The following SLCO4C1 variants were observed in gnomAD, a reference collection of about 807,000 sequenced individuals.
The protein encoded by SLCO4C1 is solute carrier organic anion transporter family member 4C1, also known as organic anion transporter M1.
SLCO4C1 carries 58 observed loss-of-function variants against 72.1 expected under a neutral mutation model. The observed-to-expected ratio is 0.80, with a 90% confidence interval of 0.65 to 1.00. The LOEUF (loss-of-function observed/expected upper bound fraction) is 1.00, where lower values mean the gene tolerates loss of function less well. SLCO4C1 is among the 50% of genes least tolerant of loss of function. The pLI is 0.00. For synonymous variants in SLCO4C1, 297 were observed against 312.5 expected (o/e 0.95, Z 0.52); for missense variants, 898 against 857.9 (o/e 1.05, Z -0.58).
At chr5:102,281,530 T>C (rs934695633) in intron 2 of SLCO4C1, among the ~76,000 whole-genome samples, 1 of 152,104 alleles carries the variant, frequency 6.6e-6, no homozygotes, top group East Asian at 1.9e-4. Context: ...TGAAAATATT[T>C]GCAAACTAGC....
chr5:102,250,055 C>T (rs1479952692), intron 8 of SLCO4C1, among the ~76,000 whole-genome samples: 1 of 152,186 alleles, frequency 6.6e-6, no homozygotes, highest in Non-Finnish European at 1.5e-5. Flanking sequence ...TCCCATCTGG[C>T]ACCAGGTAAT....
chr5:102,279,936 A>G, intron 2 of SLCO4C1, among the ~76,000 whole-genome samples: 1 of 151,932 alleles, frequency 6.6e-6, no homozygotes, highest in East Asian at 1.9e-4. Context: ...ATAGAGTAGA[A>G]CTTTCCCAAC....
At position 102,234,814 on chromosome 5, in the gene SLCO4C1, T is replaced by A. The variant is rs1580231686; in HGVS notation, c.*2044A>T. 4 of 148,110 alleles carry A rather than the reference T, an allele frequency of 2.7e-5. No homozygotes were observed. The South Asian group carries it at 8.7e-4, about 32-fold the overall frequency. 9.2% of individuals were successfully genotyped at this position (148,110 alleles called of 1,614,324 possible). On this transcript the variant is annotated 3_prime_UTR_variant, in exon 13 of 13. Coordinates refer to ENST00000310954, the MANE Select transcript of SLCO4C1 (RefSeq NM_180991.5). ...AAAGCCTAAACTTTCCTTTTCCTTT[T>A]TTCTGGGCTCCAATAGGAAGCAGCA...
intron 2 of SLCO4C1, among the ~76,000 whole-genome samples, chr5:102,288,520 C>T (rs900948814): frequency 2.0e-5 from 3 of 152,196 alleles, no homozygotes; most frequent in Non-Finnish European, 2.9e-5. Flanking sequence ...GAGTGATTGG[C>T]TCCCATTTAC....
intron 2 of SLCO4C1, among the ~76,000 whole-genome samples, chr5:102,287,950 T>A (rs1002000878): frequency 6.6e-6 from 1 of 152,138 alleles, no homozygotes; most frequent in African/African-American, 2.4e-5. Context: ...GTCTGTCATA[T>A]TATAAACACC....
In SLCO4C1 at chr5:102,236,636, G is replaced by A; in HGVS notation, c.*222C>T. On this transcript the variant is annotated 3_prime_UTR_variant, in exon 13 of 13. Transcript: ENST00000310954. ...TGTGTGTGTGTGTGTGCTCGTGTGT[G>A]TGTGTGCTGTGTTTTGAGGCTTTAC... 1 of 442,326 alleles carries A rather than the reference G, an allele frequency of 2.3e-6. No homozygotes were observed. The highest frequency in any genetic ancestry group is 4.1e-6 in the Non-Finnish European group (1 of 246,274). 27.4% of individuals were successfully genotyped at this position (442,326 alleles called of 1,614,324 possible). A position where few individuals can be genotyped will look rare whatever the true frequency, so the allele number is the denominator to read the frequency against.
intron 12 of SLCO4C1, among the ~76,000 whole-genome samples, chr5:102,238,912 C>A (rs895858211): frequency 1.1e-4 from 16 of 152,280 alleles, no homozygotes; most frequent in Non-Finnish European, 2.2e-4. Context: ...AGATGACAAT[C>A]ATTCCAGGGA....
intron 8 of SLCO4C1, among the ~76,000 whole-genome samples, chr5:102,256,686 A>G (rs989671768): frequency 3.3e-5 from 5 of 152,246 alleles, no homozygotes; most frequent in African/African-American, 1.2e-4. Flanking sequence ...ATTAGCAAGG[A>G]CTAGCTTTAT....
chr5:102,257,825 G>T (rs990419561), intron 7 of SLCO4C1, 118 bp downstream of exon 7: 3 of 913,936 alleles, frequency 3.3e-6, no homozygotes, highest in South Asian at 1.6e-5. Context: ...TCACCATGTT[G>T]GCCGGGCTGG....
At position 102,270,682 on chromosome 5, in the gene SLCO4C1, A is replaced by G; in HGVS notation, c.744T>C (p.Thr248=). ...AATCATCAAGAAAGGCTGTTCCCAG[A>G]GTATAAAGAGGAGTTCCTCCTGCCC... ...LLGAGGTPLY[T]LGTAFLDDSV... Residue 248 remains threonine, a synonymous_variant, in exon 3 of 13, where the codon ACT becomes ACC. Coordinates refer to ENST00000310954, the MANE Select transcript of SLCO4C1 (RefSeq NM_180991.5). The G allele has an allele frequency of 1.2e-6, 2 of 1,613,230 alleles. No individual in the cohort carries two copies. Among genetic ancestry groups the G allele is most frequent in the Non-Finnish European group, 1.7e-6 (2 of 1,179,522 alleles).
chr5:102,268,114 T>C (rs1342263224), intron 3 of SLCO4C1, among the ~76,000 whole-genome samples: 2 of 152,138 alleles, frequency 1.3e-5, no homozygotes, highest in African/African-American at 4.8e-5. Flanking sequence ...ATTTGGTCTA[T>C]ACTGAAGTTT....
intron 2 of SLCO4C1, among the ~76,000 whole-genome samples, chr5:102,271,344 T>C (rs1009505069): frequency 6.6e-6 from 1 of 151,000 alleles, no homozygotes; most frequent in Admixed American, 6.6e-5. Flanking sequence ...TATTGTATTA[T>C]ACATAGGTTT....
chr5:102,293,928 A>G (rs542956923), intron 1 of SLCO4C1, among the ~76,000 whole-genome samples: 1 of 151,876 alleles, frequency 6.6e-6, no homozygotes, highest in Admixed American at 6.6e-5. Flanking sequence ...TTTTGTTTTG[A>G]GACAGAGTTT....
chr5:102,270,575 C>A, intron 3 of SLCO4C1, 49 bp downstream of exon 3: 1 of 1,455,260 alleles, frequency 6.9e-7, no homozygotes. Context: ...CTAAAGTGAA[C>A]AAATAATAAG....
At chr5:102,266,169 A>T (rs770618171) in intron 3 of SLCO4C1, among the ~76,000 whole-genome samples, 6 of 152,118 alleles carry the variant, frequency 3.9e-5, no homozygotes, top group Non-Finnish European at 5.9e-5. Context: ...CTGAAACTTC[A>T]CTGAATTTAT....
intron 2 of SLCO4C1, among the ~76,000 whole-genome samples, chr5:102,286,422 A>T (rs1346731246): frequency 6.6e-6 from 1 of 152,128 alleles, no homozygotes; most frequent in Non-Finnish European, 1.5e-5. Context: ...AAAGAAATTA[A>T]GATTGCTTAG....
intron 2 of SLCO4C1, among the ~76,000 whole-genome samples, chr5:102,272,739 T>G (rs1442809518): frequency 6.6e-6 from 1 of 151,340 alleles, no homozygotes; most frequent in Admixed American, 6.6e-5. Flanking sequence ...GTGGATCACT[T>G]GAGGTCAGGA....
intron 3 of SLCO4C1, among the ~76,000 whole-genome samples, chr5:102,264,104 C>A (rs1169737641): frequency 6.6e-6 from 1 of 152,054 alleles, no homozygotes. Context: ...TTACACTTTA[C>A]AATATCATGA....
chr5:102,247,622 T>G (rs752988372), intron 9 of SLCO4C1, among the ~76,000 whole-genome samples, 180 bp from the exon 10 acceptor site: 5 of 152,184 alleles, frequency 3.3e-5, no homozygotes, highest in African/African-American at 9.6e-5. Flanking sequence ...ACCATATTTA[T>G]GATGTGGAAT....
Sources: allele counts gnomAD v4.1 joint callset (sites outside exome capture counted in the v4.1 genomes callset), GRCh38; gene constraint gnomAD v4.1.1; transcripts MANE v1.5; gene names NCBI Gene and HGNC (gene_info 2026-07-23, HGNC 2026-07-21).